HDAC9: variants seen among roughly 807,000 people sequenced by gnomAD.
HDAC9 encodes the protein histone deacetylase 9, also known as MEF-2 interacting transcription repressor (MITR) protein.
In HDAC9, 41 loss-of-function variants were observed where a neutral mutation model predicts 139.4. The ratio of observed to expected loss-of-function variants is 0.29; its 90% confidence interval spans 0.23 to 0.38. The LOEUF is 0.38. Among genes scored for constraint, HDAC9 ranks in the 10% least tolerant of loss-of-function variants. The pLI is 1.00. For synonymous variants in HDAC9, 517 were observed against 476.2 expected, an observed-to-expected ratio of 1.09 and a Z score of -1.12; for missense variants, 1,147 against 1,297.0, an observed-to-expected ratio of 0.88 and a Z score of 1.78.
intron 1 of HDAC9, among the ~76,000 whole-genome samples, chr7:18,105,754 A>G (rs1783154164): frequency 6.6e-6 from 1 of 152,058 alleles, no homozygotes; most frequent in African/African-American, 2.4e-5. Flanking sequence ...AATTGAAAAC[A>G]TATTTCCAGA....
chr7:18,146,831 A>G (rs1415342043), intron 1 of HDAC9, among the ~76,000 whole-genome samples: 1 of 152,188 alleles, frequency 6.6e-6, no homozygotes, highest in East Asian at 1.9e-4. Context: ...ATTTTTCCCA[A>G]GAAGCAGAAC....
At chr7:18,557,463 A>G (rs957553698) in intron 2 of HDAC9, among the ~76,000 whole-genome samples, 1 of 149,654 alleles carries the variant, frequency 6.7e-6, no homozygotes, top group African/African-American at 2.5e-5. Context: ...TCTTTATTTT[A>G]GTTATGTTAT....
intron 2 of HDAC9, among the ~76,000 whole-genome samples, chr7:18,236,604 C>T (rs1368562997): frequency 6.6e-6 from 1 of 152,114 alleles, no homozygotes; most frequent in African/African-American, 2.4e-5. Flanking sequence ...ATAGAATTTT[C>T]TATGTACACT....
At chr7:18,143,552 C>G (rs1169838152) in intron 1 of HDAC9, among the ~76,000 whole-genome samples, 1 of 151,994 alleles carries the variant, frequency 6.6e-6, no homozygotes, top group African/African-American at 2.4e-5. Flanking sequence ...TCTTGGGAGG[C>G]CGAGGCAGGC....
chr7:18,093,676 A>G (rs1382183672), intron 1 of HDAC9, among the ~76,000 whole-genome samples: 1 of 152,174 alleles, frequency 6.6e-6, no homozygotes, highest in Non-Finnish European at 1.5e-5. Context: ...AAATCAGGTA[A>G]CATTATGAAT....
chr7:18,777,716 C>T (rs75408159), intron 16 of HDAC9, among the ~76,000 whole-genome samples: 246 of 151,944 alleles, frequency 1.6e-3, no homozygotes, highest in African/African-American at 5.7e-3. Flanking sequence ...TAATAATTCT[C>T]GACTTTGACC....
At chr7:18,589,932 G>T (rs1316626463) in intron 3 of HDAC9, among the ~76,000 whole-genome samples, 1 of 152,068 alleles carries the variant, frequency 6.6e-6, no homozygotes, top group Non-Finnish European at 1.5e-5. Flanking sequence ...CATTTTTTAG[G>T]CTAAGAATGG....
At chr7:18,221,055 A>T (rs1316378488) in intron 2 of HDAC9, among the ~76,000 whole-genome samples, 2 of 151,784 alleles carry the variant, frequency 1.3e-5, no homozygotes, top group East Asian at 3.9e-4. Context: ...GAAAAATCGT[A>T]TAATTATAAT....
At chr7:18,184,185 G>A (rs1789726727) in intron 2 of HDAC9, among the ~76,000 whole-genome samples, 1 of 152,110 alleles carries the variant, frequency 6.6e-6, no homozygotes, top group African/African-American at 2.4e-5. Flanking sequence ...GATCACCTGA[G>A]GTTGGGTGTT....
intron 2 of HDAC9, among the ~76,000 whole-genome samples, chr7:18,573,458 C>A (rs1824958484): frequency 6.6e-6 from 1 of 152,236 alleles, no homozygotes; most frequent in African/African-American, 2.4e-5. Flanking sequence ...CAGCCAGAAA[C>A]CTCTGTGACA....
intron 13 of HDAC9, among the ~76,000 whole-genome samples, chr7:18,730,828 C>G (rs1055279362): frequency 1.3e-5 from 2 of 152,146 alleles, no homozygotes; most frequent in African/African-American, 4.8e-5. Flanking sequence ...AAGTCAAGAA[C>G]TTAAACCTTT....
At chr7:18,784,327 C>G (rs1412488770) in intron 16 of HDAC9, among the ~76,000 whole-genome samples, 3 of 151,978 alleles carry the variant, frequency 2.0e-5, no homozygotes, top group African/African-American at 7.2e-5. Context: ...ATCCTCCCGC[C>G]TCAGCTTTCT....
At chr7:18,990,933 C>T (rs78689418) in intron 25 of HDAC9, among the ~76,000 whole-genome samples, 413 of 152,342 alleles carry the variant, frequency 2.7e-3, no homozygotes, top group African/African-American at 9.4e-3. Flanking sequence ...CACTGACCTG[C>T]GCCCACTGTC....
chr7:18,157,677 A>G (rs1181896195), intron 1 of HDAC9, among the ~76,000 whole-genome samples: 2 of 152,214 alleles, frequency 1.3e-5, no homozygotes, highest in African/African-American at 2.4e-5. Context: ...TAAGGTTTCC[A>G]TATTGGGTAA....
chr7:18,452,823 C>T (rs2128103950), intron 1 of HDAC9, among the ~76,000 whole-genome samples: 1 of 152,266 alleles, frequency 6.6e-6, no homozygotes, highest in South Asian at 2.1e-4. Context: ...TGTGAGGCCT[C>T]CCCATCCATG....
At chr7:18,342,034 C>T (rs1177998473) in intron 1 of HDAC9, among the ~76,000 whole-genome samples, 1 of 151,796 alleles carries the variant, frequency 6.6e-6, no homozygotes, top group Admixed American at 6.6e-5. Flanking sequence ...TCATTTCTAG[C>T]TTTTTGTGAC....
intron 15 of HDAC9, among the ~76,000 whole-genome samples, chr7:18,764,323 A>G (rs909010193): frequency 6.6e-6 from 1 of 152,146 alleles, no homozygotes; most frequent in African/African-American, 2.4e-5. Flanking sequence ...AGCATTCTAT[A>G]CATGTGTGGA....
chr7:18,192,429 T>A (rs1468512700), intron 2 of HDAC9, among the ~76,000 whole-genome samples: 1 of 152,164 alleles, frequency 6.6e-6, no homozygotes, highest in Non-Finnish European at 1.5e-5. Flanking sequence ...AAACCTCTTG[T>A]GCTCACTTAC....
intron 21 of HDAC9, among the ~76,000 whole-genome samples, chr7:18,871,359 A>G (rs1585193701): frequency 6.6e-6 from 1 of 152,088 alleles, no homozygotes; most frequent in Non-Finnish European, 1.5e-5. Flanking sequence ...CCACTTCTCC[A>G]AGGATCTCTG....
Sources: gnomAD v4.1 joint callset for allele counts (sites outside exome capture counted in the v4.1 genomes callset) on GRCh38, gnomAD v4.1.1 for gene constraint, MANE v1.5 for transcripts, NCBI Gene and HGNC (gene_info 2026-07-23, HGNC 2026-07-21) for gene names.